The following KANSL1L variants were observed in gnomAD, a reference collection of about 807,000 sequenced individuals.
KANSL1L encodes KAT8 regulatory NSL complex subunit 1 like.
A neutral mutation model predicts 108.6 loss-of-function variants in KANSL1L; 25 were observed. That is an observed-to-expected ratio of 0.23 (90% CI 0.17 to 0.32). KANSL1L has a LOEUF of 0.32. Among genes scored for constraint, KANSL1L ranks in the 10% least tolerant of loss-of-function variants. KANSL1L has a pLI of 1.00. For synonymous variants in KANSL1L, 405 were observed against 395.1 expected (o/e 1.03, Z -0.30); for missense variants, 1,137 against 1,125.7 (o/e 1.01, Z -0.14).
intron 2 of KANSL1L, among the ~76,000 whole-genome samples, chr2:210,140,616 CAA>C (rs921698692): frequency 5.9e-5 from 9 of 152,110 alleles, no homozygotes; most frequent in African/African-American, 2.2e-4. Flanking sequence ...TCTTTTTGCT[CAA>C]GATTGCTTTG....
intron 6 of KANSL1L, chr2:210,064,029 C>A (rs530409343): frequency 6.6e-6 from 1 of 151,966 alleles, no homozygotes; most frequent in Admixed American, 6.6e-5. Context: ...AATTGACTCA[C>A]GGGGCCAAGT....
At chr2:210,080,560 C>A (rs545041596) in intron 5 of KANSL1L, among the ~76,000 whole-genome samples, 1 of 152,138 alleles carries the variant, frequency 6.6e-6, no homozygotes, top group South Asian at 2.1e-4. Context: ...AATGTGACAG[C>A]AGTCATGTCT....
chr2:210,122,172 A>T (rs1254448464), intron 3 of KANSL1L, among the ~76,000 whole-genome samples: 1 of 152,220 alleles, frequency 6.6e-6, no homozygotes, highest in East Asian at 1.9e-4. Context: ...TCACATAAAT[A>T]GAAAAAACAA....
chr2:210,051,477 A>G (rs1421584527), intron 6 of KANSL1L, among the ~76,000 whole-genome samples: 2 of 152,146 alleles, frequency 1.3e-5, no homozygotes, highest in Non-Finnish European at 2.9e-5. Flanking sequence ...GTTTTTTAAT[A>G]TATTTTTAAT....
chr2:210,059,733 G>C (rs896626459), intron 6 of KANSL1L, among the ~76,000 whole-genome samples: 2 of 151,952 alleles, frequency 1.3e-5, no homozygotes, highest in African/African-American at 4.8e-5. Context: ...ATGGAAGAAA[G>C]AGTTGGCTTC....
Position 210,028,863 on chromosome 2 carries a change from T to C in KANSL1L, c.2378A>G (p.Lys793Arg), listed in dbSNP as rs2093975427. Residue 793 changes from lysine (K) to arginine (R), a missense_variant, in exon 11 of 15, where the codon AAG (lysine) becomes AGG (arginine). By Grantham distance (26) the Lys-to-Arg change is conservative (BLOSUM62 2). This residue lies in a region of KANSL1L where 575 missense variants were observed against 567.1 expected (regional missense o/e 1.01). Transcript: ENST00000281772. ...TACATACCTTGGAGTAAGTATTTCC[T>C]TATATTGGAGTTTCTCTAATTTAGC... The part of the protein sequence containing the change: ...APAKLEKLQY[K>R]EILTPSWRMV... The C allele has an allele frequency of 6.3e-7, 1 of 1,593,706 alleles. No individual in the cohort carries two copies. Among genetic ancestry groups the C allele is most frequent in the Non-Finnish European group, 8.6e-7 (1 of 1,163,294 alleles).
intron 8 of KANSL1L, among the ~76,000 whole-genome samples, chr2:210,036,090 T>TAGGCA (rs1213334158): frequency 3.3e-5 from 5 of 152,198 alleles, no homozygotes; most frequent in Non-Finnish European, 7.3e-5. Flanking sequence ...ATCACCAACT[T>TAGGCA]TCTGGAGTTC....
intron 2 of KANSL1L, among the ~76,000 whole-genome samples, chr2:210,138,801 C>T (rs2095199552): frequency 1.3e-5 from 2 of 151,936 alleles, no homozygotes; most frequent in Non-Finnish European, 2.9e-5. Context: ...TATCATAAGT[C>T]GAAATGCATT....
At chr2:210,075,965 AT>A (rs536837106) in intron 5 of KANSL1L, among the ~76,000 whole-genome samples, 213 of 152,230 alleles carry the variant, frequency 1.4e-3, no homozygotes, top group African/African-American at 4.9e-3. Context: ...CTTTACATCT[AT>A]TTTCTCCTGC....
rs981232146 is a variant in KANSL1L at position 210,058,849 on chromosome 2, A to C, written c.1756-14745T>G. ...GAGACTCCGTCTCAAAAAAAAAAAA[A>C]AAAAAACCTTGCTGGTTTTACGGCT... On this transcript the variant is annotated intron_variant, in intron 6 of 14. Transcript: ENST00000281772. 1.7e-4 allele frequency among the ~76,000 whole-genome samples: 26 copies of C among 151,058 alleles called. No individual in the cohort carries two copies. In the South Asian group the frequency reaches 4.0e-3, roughly 23 times the overall value.
At chr2:210,097,280 TA>T in intron 5 of KANSL1L, 2 of 905,016 alleles carry the variant, frequency 2.2e-6, no homozygotes, top group South Asian at 1.0e-4. Flanking sequence ...CACCATGCTA[TA>T]AATTTTCATT....
chr2:210,103,109 T>C (rs1198612731), intron 4 of KANSL1L, among the ~76,000 whole-genome samples: 1 of 152,060 alleles, frequency 6.6e-6, no homozygotes, highest in Non-Finnish European at 1.5e-5. Flanking sequence ...AAATGTGACA[T>C]ATATACACCA....
intron 12 of KANSL1L, among the ~76,000 whole-genome samples, chr2:210,026,980 C>T (rs949931957): frequency 1.3e-5 from 2 of 152,170 alleles, no homozygotes; most frequent in East Asian, 3.9e-4. Flanking sequence ...ACCGTGTTAG[C>T]TAGGATGGTC....
At chr2:210,172,739 G>C (rs1327448166), upstream of KANSL1L, among the ~76,000 whole-genome samples, 1 of 152,216 alleles carries the variant, frequency 6.6e-6, no homozygotes, top group Non-Finnish European at 1.5e-5. Flanking sequence ...CCTGGGGACA[G>C]AAATGCAAAA....
chr2:210,033,542 T>C (rs2094052979), intron 8 of KANSL1L, among the ~76,000 whole-genome samples: 1 of 152,206 alleles, frequency 6.6e-6, no homozygotes, highest in African/African-American at 2.4e-5. Flanking sequence ...AGTTGATTTT[T>C]TTTTTGAGAC....
At chr2:210,073,000 A>C (rs1052581811) in intron 6 of KANSL1L, among the ~76,000 whole-genome samples, 1 of 152,174 alleles carries the variant, frequency 6.6e-6, no homozygotes, top group African/African-American at 2.4e-5. Flanking sequence ...CAATTTATCT[A>C]TCATCAGTAT....
At chr2:210,130,150 G>A (rs1345522567) in intron 2 of KANSL1L, among the ~76,000 whole-genome samples, 2 of 152,208 alleles carry the variant, frequency 1.3e-5, no homozygotes, top group African/African-American at 4.8e-5. Flanking sequence ...TGTAAATGAT[G>A]ATCTCTGGGT....
intron 1 of KANSL1L, among the ~76,000 whole-genome samples, chr2:210,163,199 G>A (rs912378262): frequency 6.6e-6 from 1 of 152,124 alleles, no homozygotes; most frequent in African/African-American, 2.4e-5. Flanking sequence ...AAGAATGATG[G>A]AATTACTAGA....
At chr2:210,024,272 A>G (rs1049428290) in intron 13 of KANSL1L, 71 bp from the exon 14 acceptor site, 2 of 1,224,238 alleles carry the variant, frequency 1.6e-6, no homozygotes, top group East Asian at 2.6e-5. Context: ...GAACAACCCA[A>G]GGTATCACTG....
Sources: gnomAD v4.1 joint callset for allele counts (sites outside exome capture counted in the v4.1 genomes callset) on GRCh38, gnomAD v4.1.1 for gene constraint, gnomAD v4.1.1 regional missense constraint, MANE v1.5 for transcripts, NCBI Gene and HGNC (gene_info 2026-07-23, HGNC 2026-07-21) for gene names.